Variants in ZNF804B observed in about 807,000 individuals in gnomAD.
ZNF804B encodes the protein zinc finger protein 804B.
ZNF804B carries 80 observed loss-of-function variants against 101.4 expected under a neutral mutation model. The ratio of observed to expected loss-of-function variants is 0.79; its 90% CI spans 0.66 to 0.95. ZNF804B has a LOEUF of 0.95. ZNF804B is among the 40% of genes least tolerant of loss of function. ZNF804B has a pLI of 0.00. For synonymous variants in ZNF804B, 622 were observed against 558.8 expected, an observed-to-expected ratio of 1.11 and a Z score of -1.59; for missense variants, 1,673 against 1,561.9, an observed-to-expected ratio of 1.07 and a Z score of -1.20.
At chr7:88,821,506 G>T (rs1437027716) in intron 1 of ZNF804B, among the ~76,000 whole-genome samples, 1 of 152,106 alleles carries the variant, frequency 6.6e-6, no homozygotes, top group Admixed American at 6.6e-5. Context: ...ACCATGGAAA[G>T]GAGGAGAATA....
chr7:88,981,015 C>G (rs1375484834), intron 1 of ZNF804B, among the ~76,000 whole-genome samples: 1 of 152,044 alleles, frequency 6.6e-6, no homozygotes, highest in East Asian at 1.9e-4. Flanking sequence ...TGAGCTGACA[C>G]CCAAACTCTA....
At chr7:89,285,546 A>AAG (rs1554389598) in intron 2 of ZNF804B, among the ~76,000 whole-genome samples, 2 of 93,448 alleles carry the variant, frequency 2.1e-5, no homozygotes, top group Non-Finnish European at 4.1e-5. Context: ...AAAAAAAAAA[A>AAG]AAGAAGAAGA....
chr7:89,017,791 C>T (rs140153833), intron 1 of ZNF804B, among the ~76,000 whole-genome samples: 13 of 151,866 alleles, frequency 8.6e-5, no homozygotes, highest in African/African-American at 3.1e-4. Flanking sequence ...AATGGGATTT[C>T]TTTTTTCAGT....
At chr7:88,909,169 T>G (rs1360352454) in intron 1 of ZNF804B, among the ~76,000 whole-genome samples, 1 of 151,780 alleles carries the variant, frequency 6.6e-6, no homozygotes, top group Non-Finnish European at 1.5e-5. Flanking sequence ...CAAACCAAAT[T>G]GTTCCCTCCC....
intron 1 of ZNF804B, among the ~76,000 whole-genome samples, chr7:89,018,512 G>T (rs912263917): frequency 1.3e-5 from 2 of 151,968 alleles, no homozygotes; most frequent in African/African-American, 4.8e-5. Flanking sequence ...TTGGATTTTG[G>T]TATCAGAGTT....
At chr7:88,979,078 T>C (rs1442694815) in intron 1 of ZNF804B, among the ~76,000 whole-genome samples, 2 of 152,012 alleles carry the variant, frequency 1.3e-5, no homozygotes, top group African/African-American at 4.8e-5. Flanking sequence ...CTTTACACTT[T>C]AATTTCATCC....
intron 1 of ZNF804B, among the ~76,000 whole-genome samples, chr7:89,091,903 G>A (rs963809270): frequency 1.3e-5 from 2 of 151,904 alleles, no homozygotes; most frequent in African/African-American, 4.8e-5. Context: ...TAAGTTAAGG[G>A]GAATTCTTAT....
At chr7:88,875,746 T>A (rs1260321628) in intron 1 of ZNF804B, among the ~76,000 whole-genome samples, 1 of 152,130 alleles carries the variant, frequency 6.6e-6, no homozygotes, top group Non-Finnish European at 1.5e-5. Flanking sequence ...GAGGAACTGG[T>A]ACCATTCCAT....
intron 1 of ZNF804B, among the ~76,000 whole-genome samples, chr7:88,929,840 A>C (rs1201878664): frequency 6.6e-6 from 1 of 151,968 alleles, no homozygotes; most frequent in African/African-American, 2.4e-5. Context: ...GTTTATAAAA[A>C]ATCCAACTCA....
intron 1 of ZNF804B, among the ~76,000 whole-genome samples, chr7:89,033,757 T>C (rs1788878505): frequency 6.6e-6 from 1 of 151,092 alleles, no homozygotes; most frequent in African/African-American, 2.5e-5. Context: ...AATATTGTTC[T>C]AAAAACTAAT....
intron 1 of ZNF804B, among the ~76,000 whole-genome samples, chr7:88,788,032 TGGAGAGTGGTTCATTTTATAGCAAC>T (rs992460288): frequency 6.6e-6 from 1 of 152,078 alleles, no homozygotes; most frequent in African/African-American, 2.4e-5. Flanking sequence ...AGCAGCCGTT[TGGAGAGTGGTTCATTTTATAGCAAC>T]AAAGAGGGTA....
chr7:89,080,043 C>A (rs1789672870), intron 1 of ZNF804B, among the ~76,000 whole-genome samples: 2 of 151,660 alleles, frequency 1.3e-5, no homozygotes, highest in South Asian at 4.2e-4. Flanking sequence ...TAGAATGACA[C>A]AACCTACTAG....
At chr7:88,960,572 T>A (rs1240934197) in intron 1 of ZNF804B, among the ~76,000 whole-genome samples, 1 of 151,268 alleles carries the variant, frequency 6.6e-6, no homozygotes, top group Admixed American at 6.6e-5. Context: ...GACTCTTAGG[T>A]GAGGGCTAAG....
chr7:88,855,944 A>G (rs936480343), intron 1 of ZNF804B, among the ~76,000 whole-genome samples: 9 of 152,032 alleles, frequency 5.9e-5, no homozygotes, highest in Non-Finnish European at 8.8e-5. Context: ...TGAGGGCTCT[A>G]TTCTGTTCCA....
At chr7:89,267,499 T>C (rs1444747957) in intron 2 of ZNF804B, among the ~76,000 whole-genome samples, 1 of 152,198 alleles carries the variant, frequency 6.6e-6, no homozygotes, top group East Asian at 1.9e-4. Flanking sequence ...CTCTTCACTC[T>C]ACTTCCCTCT....
intron 1 of ZNF804B, among the ~76,000 whole-genome samples, chr7:89,043,167 C>A (rs1253938266): frequency 6.6e-6 from 1 of 152,140 alleles, no homozygotes; most frequent in Non-Finnish European, 1.5e-5. Context: ...CTCATGGTTG[C>A]CTGACATTTC....
At chr7:89,324,203 AT>A (rs1419774122) in intron 2 of ZNF804B, among the ~76,000 whole-genome samples, 4 of 151,180 alleles carry the variant, frequency 2.6e-5, no homozygotes, top group African/African-American at 4.9e-5. Flanking sequence ...TTCTATAATA[AT>A]TGTCCATTTT....
At chr7:89,178,986 A>G (rs1788250021) in intron 1 of ZNF804B, among the ~76,000 whole-genome samples, 1 of 152,110 alleles carries the variant, frequency 6.6e-6, no homozygotes, top group Non-Finnish European at 1.5e-5. Flanking sequence ...AAAATATGTC[A>G]TGCCACTCTC....
intron 1 of ZNF804B, among the ~76,000 whole-genome samples, chr7:89,161,809 T>C (rs1791068254): frequency 6.6e-6 from 1 of 152,160 alleles, no homozygotes; most frequent in African/African-American, 2.4e-5. Context: ...ATCAAAACAT[T>C]CACTCATATG....
Sources: allele counts gnomAD v4.1 joint callset (sites outside exome capture counted in the v4.1 genomes callset), GRCh38; gene constraint gnomAD v4.1.1; transcripts MANE v1.5; gene names NCBI Gene and HGNC (gene_info 2026-07-23, HGNC 2026-07-21).